Variants in URB1 observed in about 807,000 individuals in gnomAD.
URB1 encodes URB1 ribosome biogenesis factor.
In URB1, 197 loss-of-function variants were observed where a neutral mutation model predicts 242.3. That is an observed-to-expected ratio of 0.81 (90% CI 0.72 to 0.91). The LOEUF (loss-of-function observed/expected upper bound fraction) is 0.91. Ranked by LOEUF, URB1 falls within the 40% of genes least tolerant of loss-of-function variation. URB1 has a pLI of 0.00. For synonymous variants in URB1, 1,153 were observed against 1,201.8 expected, an observed-to-expected ratio of 0.96 and a Z score of 0.84; for missense variants, 2,721 against 2,860.5, an observed-to-expected ratio of 0.95 and a Z score of 1.11.
intron 18 of URB1, among the ~76,000 whole-genome samples, chr21:32,353,359 G>C (rs2033180827): frequency 6.6e-6 from 1 of 152,134 alleles, no homozygotes; most frequent in East Asian, 1.9e-4. Context: ...AATTGAGATG[G>C]CATAGCTACA....
At chr21:32,346,536 GAAGA>G (rs2033087622) in intron 22 of URB1, among the ~76,000 whole-genome samples, 1 of 152,236 alleles carries the variant, frequency 6.6e-6, no homozygotes, top group Non-Finnish European at 1.5e-5. Context: ...AGTGGAGACA[GAAGA>G]GAGAGCTGAA....
chr21:32,324,597 A>G lies in URB1; in HGVS notation c.5127T>C (p.Leu1709=), dbSNP rs372635275. 129 of 1,550,630 alleles carry G rather than the reference A, an allele frequency of 8.3e-5. 1 individual carries two copies. The highest frequency in any genetic ancestry group is 4.3e-4 in the South Asian group (36 of 84,042). Residue 1709 remains leucine, a synonymous_variant, in exon 32 of 39, where the codon CTT becomes CTC. Transcript: ENST00000382751. ...GARFQEQSQL[L]YLLDVVRNGI... Reference sequence around the variant, plus strand: ...CATTCCGGACTACATCCAACAGGTAAAGTAGCTTGAAAACAGAACAGAAAA... The same window carrying G: ...CATTCCGGACTACATCCAACAGGTAGAGTAGCTTGAAAACAGAACAGAAAA...
Position 32,347,068 on chromosome 21 carries a change from G to A in URB1, c.3756C>T (p.Cys1252=). The part of the protein sequence containing the change: ...CTHLLWFEQW[C]LQAGPGLGLQ... ...GGCCGAGCCCTGGGCCAGCCTGCAG[G>A]CACCACTGCTCGAACCACAGCAAGT... The change falls in exon 22 of 39, where the codon TGC becomes TGT. Residue 1252 remains cysteine, a synonymous_variant. Transcript: ENST00000382751. 3.2e-6 allele frequency: 5 copies of A among 1,550,456 alleles called. No individual in the cohort carries two copies. The highest frequency in any genetic ancestry group is 4.4e-6 in the Non-Finnish European group (5 of 1,146,552).
At chr21:32,368,702 A>G (rs2123607262) in intron 8 of URB1, 104 bp from the exon 9 acceptor site, 1 of 973,042 alleles carries the variant, frequency 1.0e-6, no homozygotes, top group South Asian at 1.8e-5. Flanking sequence ...CAGTGAACAC[A>G]GCAATAACAA....
Position 32,312,205 on chromosome 21 carries a change from T to C in URB1, c.*2713A>G, listed in dbSNP as rs2032599152. On this transcript the variant is annotated 3_prime_UTR_variant, in exon 39 of 39. Coordinates refer to ENST00000382751, the MANE Select transcript of URB1 (RefSeq NM_014825.3). Reference sequence around the variant, plus strand: ...GTCATCCCAGGTGTTGCTGAGTTTATTGAGCACACCTAGCCTGCTTGCTTA... The same window carrying C: ...GTCATCCCAGGTGTTGCTGAGTTTACTGAGCACACCTAGCCTGCTTGCTTA... 2.7e-6 allele frequency: 4 copies of C among 1,485,434 alleles called. No homozygotes were observed. Among genetic ancestry groups the C allele is most frequent in the East Asian group, 2.5e-5 (1 of 40,338 alleles). The allele number at this position is 1,485,434 out of a possible 1,614,324, so 92.0% of individuals were successfully genotyped here. A position where few individuals can be genotyped will look rare whatever the true frequency, so the allele number is the denominator to read the frequency against.
intron 1 of URB1, among the ~76,000 whole-genome samples, chr21:32,389,640 C>T (rs1478985265): frequency 6.6e-6 from 1 of 152,230 alleles, no homozygotes; most frequent in African/African-American, 2.4e-5. Context: ...AGGGTTCTGG[C>T]AGGAACATCC....
intron 4 of URB1, among the ~76,000 whole-genome samples, chr21:32,382,576 A>T (rs939329586): frequency 6.6e-6 from 1 of 152,142 alleles, no homozygotes; most frequent in Admixed American, 6.6e-5. Context: ...TATAGAAGTG[A>T]ATTATTCTAA....
chr21:32,388,019 C>T (rs2146058473), intron 1 of URB1, among the ~76,000 whole-genome samples: 1 of 152,366 alleles, frequency 6.6e-6, no homozygotes, highest in East Asian at 1.9e-4. Context: ...AGAGGACCAA[C>T]ACATGCTTCC....
In URB1 at chr21:32,346,994, T is replaced by C. The variant is rs1172696986; in HGVS notation, c.3830A>G (p.Gln1277Arg). The C allele has an allele frequency of 6.5e-7, 1 of 1,541,114 alleles. No homozygotes were observed. Among genetic ancestry groups the C allele is most frequent in the Non-Finnish European group, 8.8e-7 (1 of 1,139,334 alleles). The change falls in exon 22 of 39, where the codon CAG becomes CGG. Residue 1277 changes from glutamine (Q) to arginine (R), a missense_variant. By Grantham distance (43) the Gln-to-Arg change is conservative. Transcript: ENST00000382751. ...DFLPLIHVYL[Q>R]CRTRSHFTRP... is the part of the protein sequence containing the mutation. ...TGTGAAGTGGCTCCGTGTCCTGCAC[T>C]GGAGGTACACATGGATGAGGGGAAG...
intron 30 of URB1, among the ~76,000 whole-genome samples, chr21:32,326,650 A>G (rs1048394701): frequency 6.6e-6 from 1 of 152,118 alleles, no homozygotes; most frequent in Non-Finnish European, 1.5e-5. Flanking sequence ...TTCTCACAAG[A>G]GCTGGTTGTT....
In URB1 at chr21:32,338,799, G is replaced by A. The variant is rs1361332743; in HGVS notation, c.4418C>T (p.Pro1473Leu). ...SSVRTKLIQL[P>L]VVYVMLMQHS... ...CTGCATGAGCATCACGTAGACCACC[G>A]GGAGCTGGATGAGCTTCGTGCGCAC... Residue 1473 changes from proline (P) to leucine (L), a missense_variant, in exon 26 of 39, where the codon CCG becomes CTG. Physicochemically the swap from Pro to Leu is moderately conservative, Grantham distance 98. Transcript: ENST00000382751. The A allele has an allele frequency of 1.5e-5, 23 of 1,551,736 alleles. No homozygotes were observed. The highest frequency in any genetic ancestry group is 8.3e-5 in the South Asian group (7 of 84,050).
chr21:32,318,039 T>C (rs1221205984), intron 36 of URB1, 122 bp from the exon 37 acceptor site: 1 of 1,323,260 alleles, frequency 7.6e-7, no homozygotes, highest in Non-Finnish European at 1.0e-6. Flanking sequence ...AGGAACCAGG[T>C]TTTCCTGCAC....
rs1033763514 is a variant in URB1, at chr21:32,375,492, A to G, written c.665-9T>C. ...AATGCAAGGAATAAATTCTGAAAGT[A>G]AAAGTTTCAAAGCATTAAATTCAAA... On this transcript the variant is annotated splice_polypyrimidine_tract_variant and intron_variant, in intron 5 of 38. Transcript: ENST00000382751. 2.0e-6 allele frequency: 3 copies of G among 1,465,640 alleles called. No individual in the cohort carries two copies. The Admixed American group carries it at 6.6e-5, about 32-fold the overall frequency. 90.8% of individuals were successfully genotyped at this position (1,465,640 alleles called of 1,614,324 possible). A position where few individuals can be genotyped will look rare whatever the true frequency, so the allele number is the denominator to read the frequency against.
intron 19 of URB1, 148 bp downstream of exon 19, chr21:32,352,562 T>C: frequency 1.2e-6 from 1 of 852,474 alleles, no homozygotes; most frequent in Non-Finnish European, 1.8e-6. Flanking sequence ...ACTACTTAGC[T>C]TCCTCTCTTA....
intron 25 of URB1, among the ~76,000 whole-genome samples, chr21:32,339,483 CT>C (rs909887514): frequency 6.8e-5 from 10 of 146,194 alleles, no homozygotes; most frequent in East Asian, 4.0e-4. Context: ...CATTTATTTT[CT>C]TTTTTTTTTC....
At chr21:32,354,812 G>A in intron 17 of URB1, 47 bp downstream of exon 17, 1 of 1,531,948 alleles carries the variant, frequency 6.5e-7, no homozygotes. Flanking sequence ...CGTCACTGTG[G>A]CTTGGTCTTC....
At chr21:32,332,734 A>T (rs111307948) in intron 30 of URB1, among the ~76,000 whole-genome samples, 3,463 of 152,206 alleles carry the variant, frequency 0.023, 60 homozygotes, top group Middle Eastern at 0.058. Flanking sequence ...GAAAAATGCA[A>T]ATTCAAGCCA....
chr21:32,354,747 C>T, intron 17 of URB1, 112 bp downstream of exon 17: 1 of 1,350,468 alleles, frequency 7.4e-7, no homozygotes, highest in Non-Finnish European at 9.8e-7. Context: ...TGCAAAGGGA[C>T]TGTGTGCACT....
At position 32,373,751 on chromosome 21, in the gene URB1, T is replaced by C; in HGVS notation, c.772A>G (p.Thr258Ala). ...KTKVVHNKNI[T>A]KTQKVRFFTG... ...AAGAAACGCACCTTCTGGGTTTTTG[T>C]GATATTTTTATTGTGAACTACCTGA... is the stretch of plus-strand genomic sequence containing the variant. The change falls in exon 7 of 39, where the codon ACA (threonine) becomes GCA (alanine). Residue 258 changes from threonine (T) to alanine (A), a missense_variant. Thr to Ala is a moderately conservative substitution (Grantham distance 58). Transcript: ENST00000382751. The C allele has an allele frequency of 6.5e-7, 1 of 1,544,386 alleles. No individual in the cohort carries two copies. The highest frequency in any genetic ancestry group is 2.0e-5 in the Admixed American group (1 of 49,142).
Sources: allele counts gnomAD v4.1 joint callset (sites outside exome capture counted in the v4.1 genomes callset), GRCh38; gene constraint gnomAD v4.1.1; transcripts MANE v1.5; gene names NCBI Gene and HGNC (gene_info 2026-07-23, HGNC 2026-07-21).